Variants in ANTXRL observed in about 807,000 individuals in gnomAD.
ANTXRL encodes the protein anthrax toxin receptor-like.
ANTXRL carries 63 observed loss-of-function variants against 75.4 expected under a neutral mutation model. That is an observed-to-expected ratio of 0.84 (90% CI 0.68 to 1.03). The LOEUF is 1.03. Ranked by LOEUF, ANTXRL falls within the 50% of genes least tolerant of loss-of-function variation. ANTXRL has a pLI of 0.00. For synonymous variants in ANTXRL, 335 were observed against 291.3 expected, an observed-to-expected ratio of 1.15 and a Z score of -1.53; for missense variants, 797 against 789.4, an observed-to-expected ratio of 1.01 and a Z score of -0.12.
chr10:46,317,667 G>C (rs12246145), intron 16 of ANTXRL, among the ~76,000 whole-genome samples: 1 of 152,032 alleles, frequency 6.6e-6, no homozygotes, highest in Non-Finnish European at 1.5e-5. Context: ...CAATTACAGA[G>C]AGCCTTCCCT....
At chr10:46,305,803 GA>G (rs1245216152) in intron 10 of ANTXRL, among the ~76,000 whole-genome samples, 27 of 149,386 alleles carry the variant, frequency 1.8e-4, no homozygotes, top group African/African-American at 2.7e-4. Context: ...TTACAGACTT[GA>G]AAAAAAAAAC....
intron 16 of ANTXRL, among the ~76,000 whole-genome samples, chr10:46,322,427 CA>C (rs1298518721): frequency 6.9e-6 from 1 of 145,414 alleles, no homozygotes; most frequent in Non-Finnish European, 1.5e-5. Flanking sequence ...CACTGCACTC[CA>C]GCCTGGGTGA....
intron 7 of ANTXRL, 67 bp downstream of exon 7, chr10:46,297,541 G>T (rs117319649): frequency 0.043 from 64,563 of 1,490,358 alleles, 1,576 homozygotes; most frequent in Middle Eastern, 0.07. Context: ...CAACCGTCCC[G>T]GGCCACCCCA....
chr10:46,296,546 G>A (rs1253276808), intron 5 of ANTXRL, among the ~76,000 whole-genome samples: 13 of 126,758 alleles, frequency 1.0e-4, no homozygotes, highest in Non-Finnish European at 2.3e-4. Context: ...AGAGCCAAGG[G>A]GTTTGCCCCT....
chr10:46,292,328 C>T lies in ANTXRL; in HGVS notation c.320+199C>T, dbSNP rs1438400924. 3.9e-5 allele frequency among the ~76,000 whole-genome samples: 6 copies of T among 152,082 alleles called. 1 individual carries two copies. The highest frequency in any genetic ancestry group is 1.4e-4 in the African/African-American group (6 of 41,386). Reference sequence around the variant, plus strand: ...GGGGTCTCAGCGGCCTTGGCTGGCTCCTGCCTGTGAGCCCAGACATATTGC... The same window carrying T: ...GGGGTCTCAGCGGCCTTGGCTGGCTTCTGCCTGTGAGCCCAGACATATTGC... On this transcript the variant is annotated intron_variant, in intron 2 of 16. Transcript: ENST00000620264.
Position 46,287,181 on chromosome 10 carries a change from A to G in ANTXRL, c.-82A>G. The G allele has an allele frequency of 6.8e-7, 1 of 1,477,852 alleles. No homozygotes were observed. The highest frequency in any genetic ancestry group is 8.9e-7 in the Non-Finnish European group (1 of 1,121,146). 91.5% of individuals were successfully genotyped at this position (1,477,852 alleles called of 1,614,324 possible). On this transcript the variant is annotated 5_prime_UTR_variant, in exon 1 of 17. Transcript: ENST00000620264. ...GGCCCCGGGCATAAGGGGAGGCGGC[A>G]AAGAAGGGGCCTGTGCTCAGCCTCT...
intron 10 of ANTXRL, among the ~76,000 whole-genome samples, chr10:46,304,478 G>A (rs2132752325): frequency 6.6e-6 from 1 of 152,210 alleles, no homozygotes; most frequent in Non-Finnish European, 1.5e-5. Context: ...AGGCTGGACA[G>A]GCAGTTCTTG....
chr10:46,291,655 G>T (rs1163533984), intron 1 of ANTXRL, among the ~76,000 whole-genome samples: 1 of 151,972 alleles, frequency 6.6e-6, no homozygotes, highest in South Asian at 2.1e-4. Context: ...TAAGTATTTT[G>T]TTCTGTTTGA....
chr10:46,328,617 C>CCT (rs1207406404), intron 16 of ANTXRL, among the ~76,000 whole-genome samples: 1 of 151,966 alleles, frequency 6.6e-6, no homozygotes. Context: ...GAGCACATTG[C>CCT]CTCTCTCTTT....
At chr10:46,305,090 C>T (rs1162515120) in intron 10 of ANTXRL, among the ~76,000 whole-genome samples, 22 of 152,288 alleles carry the variant, frequency 1.4e-4, no homozygotes, top group African/African-American at 5.1e-4. Flanking sequence ...AACCTATTTT[C>T]ACTAATAGGA....
At chr10:46,286,711 A>C (rs1836780393), upstream of ANTXRL, among the ~76,000 whole-genome samples, 1 of 152,120 alleles carries the variant, frequency 6.6e-6, no homozygotes, top group African/African-American at 2.4e-5. Flanking sequence ...GGGGGACTTC[A>C]GTGTCACACA....
In ANTXRL at chr10:46,329,660, G is replaced by A. The variant is rs782604982; in HGVS notation, c.1472G>A (p.Arg491Lys). The change falls in exon 17 of 17, where the codon AGG becomes AAG. Residue 491 changes from arginine to lysine, a missense_variant. Physicochemically the swap from Arg to Lys is conservative, Grantham distance 26 (BLOSUM62 2). This residue lies in a region of ANTXRL where 479 missense variants were observed against 422.0 expected (regional missense o/e 1.14). Coordinates refer to ENST00000620264, the MANE Select transcript of ANTXRL (RefSeq NM_001278688.3). ...SQYAQAPCCP[R>K]ICFPHSQECL... ...TATGCACAGGCTCCCTGCTGCCCAA[G>A]GATCTGCTTTCCACACAGCCAGGAG... is the stretch of plus-strand genomic sequence containing the variant. 1 of 1,536,404 alleles carries A rather than the reference G, an allele frequency of 6.5e-7. No homozygotes were observed.
chr10:46,324,048 A>G (rs1234848180), intron 16 of ANTXRL, among the ~76,000 whole-genome samples: 1 of 152,174 alleles, frequency 6.6e-6, no homozygotes, highest in African/African-American at 2.4e-5. Flanking sequence ...TGTCCCAAAT[A>G]GTGAAATATT....
intron 16 of ANTXRL, among the ~76,000 whole-genome samples, chr10:46,322,430 C>G (rs1839024731): frequency 6.6e-6 from 1 of 150,634 alleles, no homozygotes; most frequent in Non-Finnish European, 1.5e-5. Flanking sequence ...TGCACTCCAG[C>G]CTGGGTGACA....
chr10:46,313,698 A>T (rs532523316), intron 16 of ANTXRL, among the ~76,000 whole-genome samples: 1 of 152,298 alleles, frequency 6.6e-6, no homozygotes, highest in East Asian at 1.9e-4. Flanking sequence ...ATAATTATTA[A>T]TGAGGCCTCA....
intron 16 of ANTXRL, among the ~76,000 whole-genome samples, chr10:46,327,853 G>A (rs1318516054): frequency 6.6e-6 from 1 of 152,138 alleles, no homozygotes; most frequent in Non-Finnish European, 1.5e-5. Flanking sequence ...TACAGAAGGA[G>A]CAGAACAGGC....
chr10:46,315,070 C>G (rs1281713924), intron 16 of ANTXRL, among the ~76,000 whole-genome samples: 1 of 152,194 alleles, frequency 6.6e-6, no homozygotes, highest in African/African-American at 2.4e-5. Flanking sequence ...CCTCTTTAAG[C>G]CTTCGGTGTG....
At chr10:46,306,619 C>T (rs1447029994) in intron 10 of ANTXRL, among the ~76,000 whole-genome samples, 184 bp from the exon 11 acceptor site, 2 of 152,148 alleles carry the variant, frequency 1.3e-5, no homozygotes, top group African/African-American at 4.8e-5. Context: ...GTTCCTGTTA[C>T]ACAACAGAGT....
intron 16 of ANTXRL, among the ~76,000 whole-genome samples, chr10:46,319,003 G>T (rs1361451550): frequency 1.3e-5 from 2 of 152,150 alleles, no homozygotes; most frequent in African/African-American, 4.8e-5. Context: ...CATTTCAACA[G>T]TTGGCTGCTG....
Sources: gnomAD v4.1 joint callset for allele counts (sites outside exome capture counted in the v4.1 genomes callset) on GRCh38, gnomAD v4.1.1 for gene constraint, gnomAD v4.1.1 regional missense constraint, MANE v1.5 for transcripts, NCBI Gene and HGNC (gene_info 2026-07-23, HGNC 2026-07-21) for gene names.